Variants in GMDS observed in about 807,000 individuals in gnomAD.
GMDS encodes the protein GDP-mannose 4,6 dehydratase.
Under a neutral mutation model 49.9 loss-of-function variants are expected in GMDS, and 20 were observed. The ratio of observed to expected loss-of-function variants is 0.40; its 90% CI spans 0.28 to 0.58. The LOEUF is 0.58. GMDS is among the 20% of genes least tolerant of loss of function. The probability of loss-of-function intolerance (pLI) is 0.42; values close to 1 mark genes in which losing one functional copy is unlikely to be tolerated. For synonymous variants in GMDS, 177 were observed against 178.6 expected, an observed-to-expected ratio of 0.99 and a Z score of 0.07; for missense variants, 362 against 481.4, an observed-to-expected ratio of 0.75 and a Z score of 2.32.
At chr6:1,763,011 T>C (rs1445295556) in intron 7 of GMDS, among the ~76,000 whole-genome samples, 1 of 152,244 alleles carries the variant, frequency 6.6e-6, no homozygotes. Flanking sequence ...GAATGTTTAG[T>C]GTACTTTTAC....
chr6:2,196,604 T>C lies in GMDS; in HGVS notation c.102+48717A>G, dbSNP rs556005386. Among the ~76,000 whole-genome samples, 3 of 152,338 alleles carry C rather than the reference T, an allele frequency of 2.0e-5. No homozygotes were observed. In the South Asian group the frequency reaches 6.2e-4, roughly 32 times the overall value. ...TGCCTCAGGTTTGCTTGTGGTTTCTTTACCTCTTGCCTAGTTCTGGACAGT... is the reference window on the plus strand; with the variant it reads ...TGCCTCAGGTTTGCTTGTGGTTTCTCTACCTCTTGCCTAGTTCTGGACAGT... On this transcript the variant is annotated intron_variant, in intron 1 of 10. Coordinates refer to ENST00000380815, the MANE Select transcript of GMDS (RefSeq NM_001500.4).
At chr6:1,779,444 A>G (rs1419078258) in intron 7 of GMDS, among the ~76,000 whole-genome samples, 1 of 152,196 alleles carries the variant, frequency 6.6e-6, no homozygotes, top group East Asian at 1.9e-4. Flanking sequence ...GCCACCACAG[A>G]TAAAGGTAAC....
At chr6:1,626,106 T>G (rs1025181252) in intron 9 of GMDS, 3 of 152,262 alleles carry the variant, frequency 2.0e-5, no homozygotes, top group African/African-American at 7.2e-5. Context: ...TGCCCTGGGT[T>G]TGGAGCTCAC....
chr6:2,039,439 T>A (rs1769515588), intron 4 of GMDS, among the ~76,000 whole-genome samples: 1 of 152,230 alleles, frequency 6.6e-6, no homozygotes, highest in Non-Finnish European at 1.5e-5. Flanking sequence ...ATAAATTTTT[T>A]ACTTTATAAA....
chr6:2,138,328 T>C (rs745530305), intron 1 of GMDS, among the ~76,000 whole-genome samples: 7 of 152,200 alleles, frequency 4.6e-5, no homozygotes, highest in Non-Finnish European at 8.8e-5. Flanking sequence ...TTGTGAAATA[T>C]ATTTTTGTCT....
At chr6:1,754,629 A>G (rs1417424211) in intron 7 of GMDS, among the ~76,000 whole-genome samples, 1 of 152,234 alleles carries the variant, frequency 6.6e-6, no homozygotes, top group African/African-American at 2.4e-5. Context: ...AAAATCCTCA[A>G]TAACATCCTG....
intron 4 of GMDS, among the ~76,000 whole-genome samples, chr6:2,078,308 C>T (rs1227176843): frequency 6.6e-6 from 1 of 151,958 alleles, no homozygotes; most frequent in Admixed American, 6.6e-5. Flanking sequence ...TTTCTTTCTC[C>T]TAATCTTGGA....
At chr6:1,702,351 C>T (rs1466550713) in intron 9 of GMDS, among the ~76,000 whole-genome samples, 1 of 152,220 alleles carries the variant, frequency 6.6e-6, no homozygotes, top group East Asian at 1.9e-4. Context: ...TGGCCTAAAA[C>T]ATGAGACTGT....
At chr6:2,166,359 T>C (rs1777670079) in intron 1 of GMDS, among the ~76,000 whole-genome samples, 2 of 152,220 alleles carry the variant, frequency 1.3e-5, no homozygotes, top group Non-Finnish European at 2.9e-5. Context: ...TAAATGGCTG[T>C]CAGTTTCTGT....
At chr6:1,938,953 TCCTCCCCTCCCCTCC>T (rs1028296518) in intron 6 of GMDS, among the ~76,000 whole-genome samples, 1,857 of 140,706 alleles carry the variant, frequency 0.013, 39 homozygotes, top group African/African-American at 0.044. Flanking sequence ...CTCCCTTCTT[TCCTCCCCTCCCCTCC>T]CCTCCCCTCC....
At chr6:1,788,586 A>G (rs1769409989) in intron 7 of GMDS, among the ~76,000 whole-genome samples, 1 of 152,210 alleles carries the variant, frequency 6.6e-6, no homozygotes, top group African/African-American at 2.4e-5. Context: ...TCATTACTTC[A>G]GGTAAGAGAA....
chr6:1,736,617 A>G (rs1485875910), intron 8 of GMDS, among the ~76,000 whole-genome samples: 4 of 152,220 alleles, frequency 2.6e-5, no homozygotes, highest in Non-Finnish European at 5.9e-5. Flanking sequence ...CCACCTGGTC[A>G]CAGCATGGAC....
intron 9 of GMDS, among the ~76,000 whole-genome samples, chr6:1,698,788 T>TC (rs1234288542): frequency 3.1e-4 from 2 of 6,528 alleles, no homozygotes; most frequent in Admixed American, 2.0e-3. Context: ...CTGGTTTCCC[T>TC]TTTTTTTTTT....
chr6:1,726,336 G>A (rs1766584292), intron 9 of GMDS, 80 bp downstream of exon 9: 2 of 904,724 alleles, frequency 2.2e-6, no homozygotes, highest in Admixed American at 3.4e-5. Flanking sequence ...CCAAAGGCTG[G>A]CACCAGGCAT....
At chr6:2,239,768 C>T (rs1439271346) in intron 1 of GMDS, among the ~76,000 whole-genome samples, 2 of 151,912 alleles carry the variant, frequency 1.3e-5, no homozygotes, top group African/African-American at 2.4e-5. Flanking sequence ...TCACTGCAAG[C>T]TCTGCCTCCC....
intron 1 of GMDS, among the ~76,000 whole-genome samples, chr6:2,144,326 G>C (rs538202325): frequency 2.0e-5 from 3 of 152,222 alleles, no homozygotes; most frequent in Non-Finnish European, 4.4e-5. Flanking sequence ...TGATCCTAGA[G>C]ACAGGAGGCC....
intron 1 of GMDS, among the ~76,000 whole-genome samples, chr6:2,219,286 G>C (rs1780475687): frequency 6.6e-6 from 1 of 152,140 alleles, no homozygotes; most frequent in African/African-American, 2.4e-5. Context: ...CTAAATAGAA[G>C]CCAGATGATA....
chr6:2,197,414 T>C (rs752028822), intron 1 of GMDS, among the ~76,000 whole-genome samples: 7 of 152,164 alleles, frequency 4.6e-5, no homozygotes, highest in African/African-American at 7.2e-5. Flanking sequence ...GGAAAGACCA[T>C]TTGGCTGGAA....
At chr6:1,866,385 A>G (rs1343902388) in intron 7 of GMDS, among the ~76,000 whole-genome samples, 1 of 152,204 alleles carries the variant, frequency 6.6e-6, no homozygotes, top group Non-Finnish European at 1.5e-5. Flanking sequence ...TTTACATTAC[A>G]GAGGGGAAAA....
Sources: gnomAD v4.1 joint callset for allele counts (sites outside exome capture counted in the v4.1 genomes callset) on GRCh38, gnomAD v4.1.1 for gene constraint, MANE v1.5 for transcripts, NCBI Gene and HGNC (gene_info 2026-07-23, HGNC 2026-07-21) for gene names.